Variants in COG5 observed in about 807,000 individuals in gnomAD.
The protein encoded by COG5 is component of oligomeric golgi complex 5.
A neutral mutation model predicts 110.4 loss-of-function variants in COG5; 86 were observed. That is an observed-to-expected ratio of 0.78 (90% CI 0.65 to 0.93). COG5 has a LOEUF of 0.93. Among genes scored for constraint, COG5 ranks in the 40% least tolerant of loss-of-function variants. The probability of loss-of-function intolerance (pLI) is 0.00; values close to 1 mark genes in which losing one functional copy is unlikely to be tolerated. For missense variants in COG5, 1,077 were observed against 987.0 expected (o/e 1.09, Z -1.22); for synonymous variants, 360 against 334.6 (o/e 1.08, Z -0.83).
rs1197139017 is a variant in COG5, at chr7:107,534,956, C to A, written c.418-7599G>T. On this transcript the variant is annotated intron_variant, in intron 5 of 21. Coordinates refer to ENST00000297135, the MANE Select transcript of COG5 (RefSeq NM_006348.5). ...TCAGGAAATGTAAAAGAATGGAAATCATAACCAACAGTCTCTCAGACCACA... is the reference window on the plus strand; with the variant it reads ...TCAGGAAATGTAAAAGAATGGAAATAATAACCAACAGTCTCTCAGACCACA... Among the ~76,000 whole-genome samples, 2 of 151,484 alleles carry A rather than the reference C, an allele frequency of 1.3e-5. 1 individual carries two copies. Among genetic ancestry groups the A allele is most frequent in the African/African-American group, 4.9e-5 (2 of 40,872 alleles).
chr7:107,459,839 G>A (rs974546876), intron 6 of COG5, among the ~76,000 whole-genome samples: 10 of 151,326 alleles, frequency 6.6e-5, no homozygotes, highest in South Asian at 6.3e-4. Flanking sequence ...AAACATTATC[G>A]GTAAGGCTAG....
At chr7:107,279,788 G>C (rs1414963815) in intron 14 of COG5, among the ~76,000 whole-genome samples, 3 of 151,986 alleles carry the variant, frequency 2.0e-5, no homozygotes, top group Non-Finnish European at 2.9e-5. Flanking sequence ...ACCAAAAAAT[G>C]ACAATGATTT....
At chr7:107,460,542 T>A (rs1283301144) in intron 6 of COG5, among the ~76,000 whole-genome samples, 1 of 151,010 alleles carries the variant, frequency 6.6e-6, no homozygotes, top group Non-Finnish European at 1.5e-5. Flanking sequence ...GAACCACGTA[T>A]AAAAAAAAAT....
chr7:107,391,104 G>C (rs75672288), intron 7 of COG5, among the ~76,000 whole-genome samples: 24,386 of 151,840 alleles, frequency 0.16, 2,342 homozygotes, highest in Non-Finnish European at 0.22. Context: ...GTGGGAGGAG[G>C]GGGGAGGGTC....
chr7:107,210,626 TAGAG>T (rs763201514), intron 20 of COG5, 21 bp from the exon 21 acceptor site: 2 of 1,584,224 alleles, frequency 1.3e-6, no homozygotes, highest in Non-Finnish European at 1.7e-6. Flanking sequence ...GAAACACAAT[TAGAG>T]AGAGTGCATA....
At chr7:107,424,819 A>G (rs1393376776) in intron 6 of COG5, among the ~76,000 whole-genome samples, 2 of 152,154 alleles carry the variant, frequency 1.3e-5, no homozygotes, top group Admixed American at 1.3e-4. Flanking sequence ...TTTTGTTCCC[A>G]AAGAGCTAAA....
intron 12 of COG5, among the ~76,000 whole-genome samples, chr7:107,286,767 A>T (rs1805668576): frequency 6.6e-6 from 1 of 152,016 alleles, no homozygotes; most frequent in Non-Finnish European, 1.5e-5. Flanking sequence ...TTATTATTTC[A>T]ATGAAAGAGG....
At chr7:107,446,755 T>A (rs1232502663) in intron 6 of COG5, among the ~76,000 whole-genome samples, 1 of 152,058 alleles carries the variant, frequency 6.6e-6, no homozygotes, top group Non-Finnish European at 1.5e-5. Flanking sequence ...AGTACATCCT[T>A]CCACCACAGT....
intron 11 of COG5, among the ~76,000 whole-genome samples, chr7:107,313,020 C>G (rs190513646): frequency 6.8e-4 from 104 of 152,232 alleles, no homozygotes; most frequent in African/African-American, 2.5e-3. Flanking sequence ...GAAGTTTCTT[C>G]CCATTTGTGA....
chr7:107,356,935 T>C (rs1315651220), intron 10 of COG5, among the ~76,000 whole-genome samples: 1 of 152,148 alleles, frequency 6.6e-6, no homozygotes, highest in African/African-American at 2.4e-5. Context: ...ATTCTATTCA[T>C]AACCTTTTCC....
chr7:107,393,399 C>T (rs775919717), intron 7 of COG5, among the ~76,000 whole-genome samples: 2 of 152,190 alleles, frequency 1.3e-5, no homozygotes, highest in Non-Finnish European at 2.9e-5. Context: ...TCCAAGAAGA[C>T]ACTTTCTCCC....
intron 10 of COG5, among the ~76,000 whole-genome samples, chr7:107,334,475 C>T (rs1160771943): frequency 2.6e-5 from 4 of 151,850 alleles, no homozygotes; most frequent in African/African-American, 7.3e-5. Flanking sequence ...AATAAAACTA[C>T]CCCAAGGCAT....
intron 6 of COG5, among the ~76,000 whole-genome samples, chr7:107,491,156 C>A (rs1221948499): frequency 1.3e-5 from 2 of 152,090 alleles, no homozygotes; most frequent in Admixed American, 1.3e-4. Context: ...CAAACTTCAT[C>A]AAAAACAACA....
At chr7:107,282,467 T>A (rs186735226) in intron 13 of COG5, among the ~76,000 whole-genome samples, 76 of 152,286 alleles carry the variant, frequency 5.0e-4, no homozygotes, top group African/African-American at 1.8e-3. Context: ...TCTAGACAAT[T>A]TGTAGGTACG....
chr7:107,430,784 A>G (rs1793976161), intron 6 of COG5, among the ~76,000 whole-genome samples: 3 of 152,222 alleles, frequency 2.0e-5, no homozygotes, highest in Non-Finnish European at 4.4e-5. Flanking sequence ...ATGCTACCTT[A>G]CATGCTAAAA....
At chr7:107,514,230 T>A (rs187992857) in intron 6 of COG5, among the ~76,000 whole-genome samples, 1 of 151,886 alleles carries the variant, frequency 6.6e-6, no homozygotes, top group African/African-American at 2.4e-5. Context: ...GATTCTTCAA[T>A]AATGCAATAA....
chr7:107,508,026 T>C (rs1379120419), intron 6 of COG5, among the ~76,000 whole-genome samples: 2 of 152,054 alleles, frequency 1.3e-5, no homozygotes, highest in Non-Finnish European at 2.9e-5. Context: ...TGCCAGACAG[T>C]GGGTGCAAGA....
chr7:107,255,246 C>T (rs1802797473), intron 16 of COG5, among the ~76,000 whole-genome samples: 1 of 152,054 alleles, frequency 6.6e-6, no homozygotes, highest in Non-Finnish European at 1.5e-5. Flanking sequence ...ATCATTGATA[C>T]ATATGCCAAC....
At chr7:107,236,157 C>A (rs914721195) in intron 18 of COG5, among the ~76,000 whole-genome samples, 2 of 152,118 alleles carry the variant, frequency 1.3e-5, no homozygotes, top group African/African-American at 4.8e-5. Flanking sequence ...GTGAGAAAAT[C>A]CCATATGAAA....
Sources: gnomAD v4.1 joint callset for allele counts (sites outside exome capture counted in the v4.1 genomes callset) on GRCh38, gnomAD v4.1.1 for gene constraint, MANE v1.5 for transcripts, NCBI Gene and HGNC (gene_info 2026-07-23, HGNC 2026-07-21) for gene names.